Variants in KCND2 observed in about 807,000 individuals in gnomAD.
The protein encoded by KCND2 is potassium voltage-gated channel subfamily D member 2.
A neutral mutation model predicts 54.4 loss-of-function variants in KCND2; 16 were observed. The observed-to-expected ratio is 0.29, with a 90% CI of 0.20 to 0.45. KCND2 has a LOEUF of 0.45. Ranked by LOEUF, KCND2 falls within the 20% of genes least tolerant of loss-of-function variation. The probability of loss-of-function intolerance (pLI) is 1.00; values close to 1 mark genes in which losing one functional copy is unlikely to be tolerated. For synonymous variants in KCND2, 317 were observed against 310.7 expected (o/e 1.02, Z -0.21); for missense variants, 486 against 824.2 (o/e 0.59, Z 5.02).
At chr7:120,281,008 T>C (rs912042924) in intron 1 of KCND2, among the ~76,000 whole-genome samples, 3 of 152,116 alleles carry the variant, frequency 2.0e-5, no homozygotes, top group African/African-American at 7.2e-5. Flanking sequence ...TCTGATATAA[T>C]ACAACCTTGT....
intron 1 of KCND2, among the ~76,000 whole-genome samples, chr7:120,371,398 C>G (rs545881931): frequency 6.1e-4 from 93 of 152,198 alleles, no homozygotes; most frequent in African/African-American, 2.0e-3. Flanking sequence ...AGATAAAACA[C>G]AGTTAATGTA....
chr7:120,406,637 CA>C (rs1307897123), intron 1 of KCND2, among the ~76,000 whole-genome samples: 1 of 151,790 alleles, frequency 6.6e-6, no homozygotes, highest in Non-Finnish European at 1.5e-5. Flanking sequence ...AAGGAGTTCA[CA>C]AGAAAAGATT....
In KCND2 at chr7:120,682,563, A is replaced by G. The variant is rs150380399; in HGVS notation, c.1116-50340A>G. ...AGTGTTCTCCAAGAATAGTATATAA[A>G]CTGGTCCTACTAATCAGCCATTTAA... On this transcript the variant is annotated intron_variant, in intron 1 of 5. Coordinates refer to ENST00000331113, the MANE Select transcript of KCND2 (RefSeq NM_012281.3). 1.0e-3 allele frequency among the ~76,000 whole-genome samples: 158 copies of G among 152,198 alleles called. 1 individual carries two copies. Among genetic ancestry groups the G allele is most frequent in the African/African-American group, 3.7e-3 (152 of 41,550 alleles).
chr7:120,355,482 G>T (rs1279453930), intron 1 of KCND2, among the ~76,000 whole-genome samples: 5 of 152,100 alleles, frequency 3.3e-5, no homozygotes, highest in African/African-American at 1.2e-4. Context: ...GGGAGGTGGG[G>T]GGGTGCAATG....
At chr7:120,642,085 A>G (rs573798802) in intron 1 of KCND2, among the ~76,000 whole-genome samples, 9 of 152,092 alleles carry the variant, frequency 5.9e-5, no homozygotes, top group Non-Finnish European at 1.0e-4. Context: ...CTCCTTTAAT[A>G]GGGTTTCATT....
chr7:120,690,142 G>A (rs1276977467), intron 1 of KCND2, among the ~76,000 whole-genome samples: 1 of 151,990 alleles, frequency 6.6e-6, no homozygotes. Flanking sequence ...AAATGGAAAT[G>A]TTATTTATTG....
intron 1 of KCND2, among the ~76,000 whole-genome samples, chr7:120,512,480 T>C (rs1803131632): frequency 6.6e-6 from 1 of 151,966 alleles, no homozygotes; most frequent in African/African-American, 2.4e-5. Context: ...TCTCCTAACT[T>C]TCAGGAGTTA....
chr7:120,380,396 A>G (rs1223366324), intron 1 of KCND2, among the ~76,000 whole-genome samples: 8 of 151,962 alleles, frequency 5.3e-5, no homozygotes, highest in Admixed American at 5.3e-4. Flanking sequence ...GTCCTAGGTC[A>G]GAGAGTGTGT....
chr7:120,456,423 CTTCAA>C (rs1485040466), intron 1 of KCND2, among the ~76,000 whole-genome samples: 7 of 152,236 alleles, frequency 4.6e-5, no homozygotes. Context: ...GCACTTTAAA[CTTCAA>C]TTCATTTGTA....
chr7:120,298,014 A>G (rs1799534641), intron 1 of KCND2, among the ~76,000 whole-genome samples: 2 of 152,166 alleles, frequency 1.3e-5, no homozygotes, highest in African/African-American at 2.4e-5. Flanking sequence ...GAATGTGGCT[A>G]GGGTGATTGA....
At chr7:120,680,115 A>C (rs571414773) in intron 1 of KCND2, among the ~76,000 whole-genome samples, 1 of 152,148 alleles carries the variant, frequency 6.6e-6, no homozygotes, top group Non-Finnish European at 1.5e-5. Context: ...ATTAACTGAT[A>C]TAAGAAACAA....
chr7:120,297,189 G>A (rs1246373543), intron 1 of KCND2, among the ~76,000 whole-genome samples: 2 of 151,884 alleles, frequency 1.3e-5, no homozygotes, highest in Non-Finnish European at 2.9e-5. Context: ...TCTTCCAAAT[G>A]TCTATCCATC....
At chr7:120,573,600 A>T (rs1353089225) in intron 1 of KCND2, among the ~76,000 whole-genome samples, 1 of 152,220 alleles carries the variant, frequency 6.6e-6, no homozygotes, top group Non-Finnish European at 1.5e-5. Flanking sequence ...TAACAAGTGA[A>T]GGAAAAGGGT....
chr7:120,351,737 C>CCAT (rs1800409435), intron 1 of KCND2, among the ~76,000 whole-genome samples: 1 of 152,008 alleles, frequency 6.6e-6, no homozygotes, highest in African/African-American at 2.4e-5. Flanking sequence ...ATGGACCCTG[C>CCAT]CATCTCCTGG....
At chr7:120,550,132 C>A (rs113914376) in intron 1 of KCND2, among the ~76,000 whole-genome samples, 1 of 151,998 alleles carries the variant, frequency 6.6e-6, no homozygotes. Context: ...CACCCCCACT[C>A]CACGCCATAA....
Position 120,365,451 on chromosome 7 carries a change from TATAC to T in KCND2, c.1115+89708_1115+89711del, listed in dbSNP as rs1800660597. Among the ~76,000 whole-genome samples the T allele has an allele frequency of 1.2e-4, 18 of 152,218 alleles. No individual in the cohort carries two copies. In the South Asian group the frequency reaches 3.7e-3, roughly 32 times the overall value. On this transcript the variant is annotated intron_variant, in intron 1 of 5. Coordinates refer to ENST00000331113, the MANE Select transcript of KCND2 (RefSeq NM_012281.3). Reference sequence around the variant, plus strand: ...GAACTAAGAAGGCTGTAAGGCCATGTATACATAGGTCAGTGTATCAGCAAGAGCT... The same window carrying T: ...GAACTAAGAAGGCTGTAAGGCCATGTATAGGTCAGTGTATCAGCAAGAGCT...
chr7:120,388,196 C>G (rs1801018374), intron 1 of KCND2, among the ~76,000 whole-genome samples: 1 of 151,982 alleles, frequency 6.6e-6, no homozygotes, highest in African/African-American at 2.4e-5. Flanking sequence ...CTCCTCCTCC[C>G]AAGGAACCTT....
At chr7:120,560,682 C>T (rs1377211707) in intron 1 of KCND2, among the ~76,000 whole-genome samples, 2 of 152,130 alleles carry the variant, frequency 1.3e-5, no homozygotes, top group Non-Finnish European at 2.9e-5. Context: ...CCTGTCTCAT[C>T]GAATGAAGCA....
intron 1 of KCND2, among the ~76,000 whole-genome samples, chr7:120,284,000 T>G (rs1285728853): frequency 6.6e-6 from 1 of 152,110 alleles, no homozygotes; most frequent in Non-Finnish European, 1.5e-5. Context: ...ATCACCATGC[T>G]GAAGAATAAA....
Sources: gnomAD v4.1 joint callset for allele counts (sites outside exome capture counted in the v4.1 genomes callset) on GRCh38, gnomAD v4.1.1 for gene constraint, MANE v1.5 for transcripts, NCBI Gene and HGNC (gene_info 2026-07-23, HGNC 2026-07-21) for gene names.